MAF: variants seen among roughly 807,000 people sequenced by gnomAD.
The protein encoded by MAF is transcription factor Maf.
In MAF, 10 loss-of-function variants were observed where a neutral mutation model predicts 22.0. That is an observed-to-expected ratio of 0.45 (90% CI 0.28 to 0.77). The LOEUF (loss-of-function observed/expected upper bound fraction) is 0.77. Among genes scored for constraint, MAF ranks in the 30% least tolerant of loss-of-function variants. MAF has a pLI of 0.12. For missense variants in MAF, 544 were observed against 548.4 expected (o/e 0.99, Z 0.08); for synonymous variants, 337 against 255.8 (o/e 1.32, Z -3.03).
At chr16:79,554,288 G>A in the MAF span, among the ~76,000 whole-genome samples, 1 of 152,164 alleles carries the variant, frequency 6.6e-6, no homozygotes, top group Admixed American at 6.5e-5. Context: ...AGGAAACTGA[G>A]GATCTGAAAG....
At chr16:79,387,986 G>T in the MAF span, among the ~76,000 whole-genome samples, 1 of 152,086 alleles carries the variant, frequency 6.6e-6, no homozygotes, top group Non-Finnish European at 1.5e-5. Context: ...CTTGTGAATG[G>T]GCAAAAACAC....
At chr16:79,478,778 A>G in the MAF span, among the ~76,000 whole-genome samples, 3,202 of 151,968 alleles carry the variant, frequency 0.021, 39 homozygotes, top group South Asian at 0.03. Context: ...CCACCCCAGC[A>G]TACCCGTATA....
At chr16:79,348,044 T>C in the MAF span, among the ~76,000 whole-genome samples, 2 of 152,232 alleles carry the variant, frequency 1.3e-5, no homozygotes, top group Non-Finnish European at 2.9e-5. Flanking sequence ...CGATCCTCTT[T>C]CCCTACTCAG....
the MAF span, among the ~76,000 whole-genome samples, chr16:79,510,490 T>C: frequency 6.6e-6 from 1 of 152,158 alleles, no homozygotes; most frequent in African/African-American, 2.4e-5. Flanking sequence ...GGAGACACAG[T>C]TTGGGTTCCA....
At chr16:79,469,264 G>A in the MAF span, among the ~76,000 whole-genome samples, 1 of 152,218 alleles carries the variant, frequency 6.6e-6, no homozygotes, top group African/African-American at 2.4e-5. Flanking sequence ...GCAACAGACA[G>A]TCTGGACCAC....
chr16:79,395,468 T>A, the MAF span, among the ~76,000 whole-genome samples: 1 of 152,064 alleles, frequency 6.6e-6, no homozygotes, highest in Non-Finnish European at 1.5e-5. Flanking sequence ...GGTGAGATCA[T>A]AATGGAGGAG....
the MAF span, among the ~76,000 whole-genome samples, chr16:79,416,315 A>T: frequency 6.6e-6 from 1 of 152,124 alleles, no homozygotes; most frequent in South Asian, 2.1e-4. Context: ...GCCATGAGTT[A>T]TTGGGAAGCG....
chr16:79,388,120 T>G, the MAF span, among the ~76,000 whole-genome samples: 1 of 152,156 alleles, frequency 6.6e-6, no homozygotes, highest in Non-Finnish European at 1.5e-5. Flanking sequence ...ACTTCTCCCT[T>G]CTCAAAGCTT....
rs1912914877 is a variant in MAF, at chr16:79,587,437, T to C, written c.1119-1496A>G. ...TTCCCCGATAGGATTACTTTTTTTT[T>C]AATCTTTAGAAACAACAGAGTCTTT... On this transcript the variant is annotated intron_variant, in intron 1 of 1. Coordinates refer to the MAF transcript ENST00000569649. Among the ~76,000 whole-genome samples, 2 of 152,098 alleles carry C rather than the reference T, an allele frequency of 1.3e-5. 1 individual carries two copies. Among genetic ancestry groups the C allele is most frequent in the South Asian group, 4.1e-4 (2 of 4,822 alleles).
At chr16:79,350,584 GC>G in the MAF span, among the ~76,000 whole-genome samples, 1 of 152,182 alleles carries the variant, frequency 6.6e-6, no homozygotes, top group East Asian at 1.9e-4. Flanking sequence ...ATCCCTCCAG[GC>G]CCCACGCTGA....
chr16:79,391,437 T>G, the MAF span, among the ~76,000 whole-genome samples: 4 of 152,162 alleles, frequency 2.6e-5, no homozygotes, highest in Non-Finnish European at 4.4e-5. Flanking sequence ...CCACGAGAAG[T>G]GCCTGCTTGC....
the MAF span, among the ~76,000 whole-genome samples, chr16:79,474,704 A>AC: frequency 6.6e-6 from 1 of 151,924 alleles, no homozygotes. Context: ...TTGAATATTT[A>AC]TTTTTTGCTG....
chr16:79,362,348 C>T, the MAF span, among the ~76,000 whole-genome samples: 1 of 152,156 alleles, frequency 6.6e-6, no homozygotes, highest in African/African-American at 2.4e-5. Flanking sequence ...CTCGCTGACA[C>T]ACACAGATGC....
the MAF span, among the ~76,000 whole-genome samples, chr16:79,296,462 A>G: frequency 1.3e-5 from 2 of 152,136 alleles, no homozygotes; most frequent in African/African-American, 4.8e-5. Flanking sequence ...GCAAACTACC[A>G]TGGCATATGT....
At chr16:79,427,145 C>G in the MAF span, among the ~76,000 whole-genome samples, 1 of 152,192 alleles carries the variant, frequency 6.6e-6, no homozygotes, top group African/African-American at 2.4e-5. Context: ...AAATTATCCA[C>G]CTTTATGCAT....
chr16:79,405,013 G>A, the MAF span, among the ~76,000 whole-genome samples: 1 of 152,146 alleles, frequency 6.6e-6, no homozygotes, highest in Non-Finnish European at 1.5e-5. Flanking sequence ...CTGTGTCACC[G>A]GGTACTGGAA....
the MAF span, among the ~76,000 whole-genome samples, chr16:79,423,546 T>A: frequency 1.3e-5 from 2 of 152,230 alleles, no homozygotes; most frequent in African/African-American, 4.8e-5. Flanking sequence ...TTTGTTTTTG[T>A]AAATAAAGTT....
the MAF span, among the ~76,000 whole-genome samples, chr16:79,580,411 T>C: frequency 7.4e-3 from 1,124 of 152,224 alleles, 11 homozygotes; most frequent in African/African-American, 0.026. Flanking sequence ...CTAGGACACA[T>C]CAATGAACAA....
intron 1 of MAF, chr16:79,597,822 T>C (rs1228115113): frequency 2.9e-6 from 3 of 1,019,678 alleles, no homozygotes; most frequent in Admixed American, 1.2e-4. Context: ...ATTAATATAA[T>C]GTCTCTTTTC....
Sources: allele counts gnomAD v4.1 joint callset (sites outside exome capture counted in the v4.1 genomes callset), GRCh38; gene constraint gnomAD v4.1.1; transcripts MANE v1.5; gene names NCBI Gene and HGNC (gene_info 2026-07-23, HGNC 2026-07-21).